The following ST6GALNAC5 variants were observed in gnomAD, a reference collection of about 807,000 sequenced individuals.
The protein encoded by ST6GALNAC5 is alpha-N-acetylgalactosaminide alpha-2,6-sialyltransferase 5.
ST6GALNAC5 carries 27 observed loss-of-function variants against 33.6 expected under a neutral mutation model. The ratio of observed to expected loss-of-function variants is 0.80; its 90% CI spans 0.59 to 1.11. The LOEUF (loss-of-function observed/expected upper bound fraction) is 1.11, where lower values mean the gene tolerates loss of function less well. Ranked by LOEUF, ST6GALNAC5 falls within the 50% of genes least tolerant of loss-of-function variation. The pLI is 0.00. For synonymous variants in ST6GALNAC5, 194 were observed against 171.2 expected (o/e 1.13, Z -1.04); for missense variants, 428 against 454.0 (o/e 0.94, Z 0.52).
chr1:76,963,589 C>G (rs999963481), intron 2 of ST6GALNAC5, among the ~76,000 whole-genome samples: 2 of 152,154 alleles, frequency 1.3e-5, no homozygotes, highest in Non-Finnish European at 2.9e-5. Context: ...GATTGGGAGT[C>G]TTAATTTAGT....
chr1:76,905,616 T>A (rs182588914), intron 2 of ST6GALNAC5, among the ~76,000 whole-genome samples: 1 of 152,338 alleles, frequency 6.6e-6, no homozygotes, highest in East Asian at 1.9e-4. Flanking sequence ...TGAAGGAGAT[T>A]TTCTTTGAGT....
At chr1:76,945,923 G>A (rs1201569329) in intron 2 of ST6GALNAC5, among the ~76,000 whole-genome samples, 2 of 152,022 alleles carry the variant, frequency 1.3e-5, no homozygotes, top group African/African-American at 4.8e-5. Context: ...TTGTTGTTGG[G>A]TTTTCTTTGA....
rs1647805301 is a variant in ST6GALNAC5, at chr1:76,952,816, A to AT, written c.261+84075dup. ...GCACCCCCTCGCCTGCCCCATCACC[A>AT]TAAAGGAACACCCTCCCTGTGCTTC... On this transcript the variant is annotated intron_variant, in intron 2 of 4. Transcript: ENST00000477717. Among the ~76,000 whole-genome samples the AT allele has an allele frequency of 3.3e-5, 5 of 152,102 alleles. No individual in the cohort carries two copies. The South Asian group carries it at 1.0e-3, about 32-fold the overall frequency.
At chr1:76,972,888 T>TA (rs1468409148) in intron 2 of ST6GALNAC5, among the ~76,000 whole-genome samples, 6 of 151,236 alleles carry the variant, frequency 4.0e-5, no homozygotes, top group African/African-American at 1.5e-4. Flanking sequence ...TCTGTGTAAC[T>TA]TTTTTTTTGT....
chr1:77,035,739 T>C (rs1651623387), intron 2 of ST6GALNAC5, among the ~76,000 whole-genome samples: 1 of 152,154 alleles, frequency 6.6e-6, no homozygotes, highest in African/African-American at 2.4e-5. Context: ...TTTTCACCCA[T>C]TAGAATAATC....
intron 2 of ST6GALNAC5, among the ~76,000 whole-genome samples, chr1:76,989,719 C>CAA (rs34041023): frequency 2.0e-5 from 3 of 151,836 alleles, no homozygotes; most frequent in African/African-American, 4.8e-5. Flanking sequence ...GAACGCTTCT[C>CAA]AAAAAAATGT....
intron 2 of ST6GALNAC5, among the ~76,000 whole-genome samples, chr1:76,994,024 A>T (rs916966048): frequency 6.6e-6 from 1 of 152,234 alleles, no homozygotes; most frequent in African/African-American, 2.4e-5. Context: ...ACACACTGTG[A>T]AATATCCAAA....
chr1:77,057,334 T>A (rs762588605), intron 4 of ST6GALNAC5, among the ~76,000 whole-genome samples: 53 of 152,132 alleles, frequency 3.5e-4, no homozygotes, highest in Admixed American at 1.1e-3. Context: ...TTGCTGAGAC[T>A]CCTAGGAAAA....
chr1:76,996,432 C>G (rs572189520), intron 2 of ST6GALNAC5, among the ~76,000 whole-genome samples: 29 of 152,296 alleles, frequency 1.9e-4, no homozygotes, highest in African/African-American at 6.7e-4. Flanking sequence ...AACTCACAAT[C>G]TAATGCAGCA....
At chr1:76,897,592 T>C (rs1025894270) in intron 2 of ST6GALNAC5, among the ~76,000 whole-genome samples, 1 of 151,354 alleles carries the variant, frequency 6.6e-6, no homozygotes, top group African/African-American at 2.4e-5. Context: ...AAGGAGGGAG[T>C]AGAGGTATCT....
Position 76,978,216 on chromosome 1 carries a change from A to G in ST6GALNAC5, c.262-65988A>G, listed in dbSNP as rs192156035. Among the ~76,000 whole-genome samples the G allele has an allele frequency of 1.1e-3, 170 of 152,318 alleles. 1 individual carries two copies. Among genetic ancestry groups the G allele is most frequent in the African/African-American group, 4.1e-3 (169 of 41,576 alleles). On this transcript the variant is annotated intron_variant, in intron 2 of 4. Transcript: ENST00000477717. ...GCATTGAGTTCCTTACATATTCTGC[A>G]TATTAACCCCTTGTTAGATGCATAG...
chr1:77,017,041 G>A (rs1650875309), intron 2 of ST6GALNAC5, among the ~76,000 whole-genome samples: 1 of 151,962 alleles, frequency 6.6e-6, no homozygotes, highest in Non-Finnish European at 1.5e-5. Context: ...AAAGAGAGGG[G>A]GCAGGGGAAT....
intron 2 of ST6GALNAC5, among the ~76,000 whole-genome samples, chr1:76,920,131 C>T (rs1647015819): frequency 6.6e-6 from 1 of 152,100 alleles, no homozygotes; most frequent in Admixed American, 6.6e-5. Flanking sequence ...GAAAGGAAAG[C>T]ATATCCATAT....
chr1:76,975,285 A>G (rs934565894), intron 2 of ST6GALNAC5, among the ~76,000 whole-genome samples: 1 of 152,194 alleles, frequency 6.6e-6, no homozygotes, highest in African/African-American at 2.4e-5. Flanking sequence ...GTTTATAAAG[A>G]ATGGATTTGG....
intron 4 of ST6GALNAC5, among the ~76,000 whole-genome samples, chr1:77,059,526 A>T (rs199719): frequency 0.36 from 54,497 of 152,040 alleles, 10,481 homozygotes; most frequent in African/African-American, 0.49. Flanking sequence ...CATAACAGGA[A>T]GTATGTGATG....
chr1:76,988,218 A>G (rs1487731249), intron 2 of ST6GALNAC5, among the ~76,000 whole-genome samples: 3 of 152,060 alleles, frequency 2.0e-5, no homozygotes, highest in Non-Finnish European at 4.4e-5. Context: ...GATTTCCAGA[A>G]GTTGTGACTG....
chr1:76,880,027 G>C (rs1321631053), intron 2 of ST6GALNAC5, among the ~76,000 whole-genome samples: 4 of 152,206 alleles, frequency 2.6e-5, no homozygotes, highest in Non-Finnish European at 2.9e-5. Context: ...AGTCTTATCA[G>C]ATTTAAGGCT....
At chr1:77,061,898 A>C (rs1266474808) in intron 4 of ST6GALNAC5, among the ~76,000 whole-genome samples, 1 of 152,206 alleles carries the variant, frequency 6.6e-6, no homozygotes, top group Non-Finnish European at 1.5e-5. Flanking sequence ...CTCTCAGGCC[A>C]CCAAACAAGG....
At chr1:76,909,680 A>G (rs1646893535) in intron 2 of ST6GALNAC5, among the ~76,000 whole-genome samples, 1 of 151,932 alleles carries the variant, frequency 6.6e-6, no homozygotes, top group South Asian at 2.1e-4. Flanking sequence ...TTCAATGCAA[A>G]TAAAATACAC....
Sources: allele counts gnomAD v4.1 joint callset (sites outside exome capture counted in the v4.1 genomes callset), GRCh38; gene constraint gnomAD v4.1.1; transcripts MANE v1.5; gene names NCBI Gene and HGNC (gene_info 2026-07-23, HGNC 2026-07-21).